ZNF385D: variants seen among roughly 807,000 people sequenced by gnomAD.
ZNF385D encodes the protein zinc finger protein 385D, also known as zinc finger protein 659.
A neutral mutation model predicts 35.8 loss-of-function variants in ZNF385D; 15 were observed. The observed-to-expected ratio is 0.42, with a 90% CI of 0.28 to 0.64. ZNF385D has a LOEUF of 0.64. ZNF385D is among the 30% of genes least tolerant of loss of function. The pLI is 0.23. For synonymous variants in ZNF385D, 212 were observed against 186.8 expected, an observed-to-expected ratio of 1.13 and a Z score of -1.10; for missense variants, 474 against 494.6, an observed-to-expected ratio of 0.96 and a Z score of 0.39.
chr3:21,928,257 A>AGAAGGAAG (rs139093887), intron 3 of ZNF385D, among the ~76,000 whole-genome samples: 8 of 140,498 alleles, frequency 5.7e-5, no homozygotes, highest in Middle Eastern at 6.8e-3. Flanking sequence ...AAAGGAAGGA[A>AGAAGGAAG]GAAGGAAGGA....
intron 3 of ZNF385D, among the ~76,000 whole-genome samples, chr3:21,820,471 G>A (rs144896323): frequency 3.4e-4 from 51 of 151,550 alleles, no homozygotes; most frequent in African/African-American, 1.2e-3. Flanking sequence ...AGATCCGAGA[G>A]GAAAATTTGT....
intron 4 of ZNF385D, among the ~76,000 whole-genome samples, chr3:21,503,862 G>A (rs959924046): frequency 1.3e-5 from 2 of 152,062 alleles, no homozygotes; most frequent in Non-Finnish European, 2.9e-5. Context: ...GCAAATAAAA[G>A]TTCCTTTGCA....
chr3:21,730,097 C>G (rs926181589), intron 1 of ZNF385D, among the ~76,000 whole-genome samples: 2 of 152,120 alleles, frequency 1.3e-5, no homozygotes, highest in African/African-American at 4.8e-5. Context: ...AACAACCTCC[C>G]GAAGAGACAG....
intron 2 of ZNF385D, among the ~76,000 whole-genome samples, chr3:22,223,088 T>G (rs866741233): frequency 6.6e-6 from 1 of 152,146 alleles, no homozygotes; most frequent in Non-Finnish European, 1.5e-5. Context: ...TATTATCATT[T>G]AAAGTTTTTA....
chr3:22,297,535 G>A (rs967712407), intron 2 of ZNF385D, among the ~76,000 whole-genome samples: 1 of 152,094 alleles, frequency 6.6e-6, no homozygotes, highest in Admixed American at 6.6e-5. Flanking sequence ...TGGGGCCGGA[G>A]GAGGACTCTG....
chr3:21,424,768 C>T (rs562902217), intron 6 of ZNF385D, among the ~76,000 whole-genome samples: 1 of 146,698 alleles, frequency 6.8e-6, no homozygotes, highest in South Asian at 2.1e-4. Context: ...AACAAAGATG[C>T]CCAGGGACGA....
intron 4 of ZNF385D, among the ~76,000 whole-genome samples, chr3:21,510,014 T>TGA (rs1707083057): frequency 1.3e-5 from 2 of 152,212 alleles, no homozygotes; most frequent in African/African-American, 4.8e-5. Context: ...GACACTATCA[T>TGA]TGGTGATGAT....
intron 3 of ZNF385D, among the ~76,000 whole-genome samples, chr3:21,789,393 G>A (rs943275426): frequency 2.6e-5 from 4 of 152,196 alleles, no homozygotes; most frequent in African/African-American, 9.6e-5. Context: ...TCAGTACTTG[G>A]GAGTGGGGAG....
At chr3:22,341,699 A>G (rs1695427765) in intron 2 of ZNF385D, among the ~76,000 whole-genome samples, 1 of 152,196 alleles carries the variant, frequency 6.6e-6, no homozygotes, top group African/African-American at 2.4e-5. Context: ...TGGAGGCTAT[A>G]AAATGTAGGG....
chr3:21,551,422 T>C (rs1174312226), intron 3 of ZNF385D, among the ~76,000 whole-genome samples: 2 of 152,240 alleles, frequency 1.3e-5, no homozygotes, highest in African/African-American at 2.4e-5. Flanking sequence ...CTCTAAAGTT[T>C]TATGAAATTC....
rs1458604508 is a variant in ZNF385D, at chr3:21,664,129, C to T, written c.165+757G>A. Among the ~76,000 whole-genome samples, 8 of 149,388 alleles carry T rather than the reference C, an allele frequency of 5.4e-5. 1 individual carries two copies. Among genetic ancestry groups the T allele is most frequent in the African/African-American group, 1.7e-4 (7 of 40,738 alleles). Reference sequence around the variant, plus strand: ...ATAATATTAAAAAAAAAAAAAGTCACTTACTCGTTTCTAACCTTTTCAACC... The same window carrying T: ...ATAATATTAAAAAAAAAAAAAGTCATTTACTCGTTTCTAACCTTTTCAACC... On this transcript the variant is annotated intron_variant, in intron 2 of 7. Coordinates refer to ENST00000281523, the MANE Select transcript of ZNF385D (RefSeq NM_024697.3).
intron 3 of ZNF385D, among the ~76,000 whole-genome samples, chr3:22,127,115 C>A (rs1703478957): frequency 6.6e-6 from 1 of 151,830 alleles, no homozygotes; most frequent in African/African-American, 2.4e-5. Context: ...TTAGGTCTTA[C>A]TTTTTATCCA....
At chr3:21,964,412 TAAAAAAAAAAAA>T (rs60635259) in intron 3 of ZNF385D, among the ~76,000 whole-genome samples, 3 of 71,484 alleles carry the variant, frequency 4.2e-5, no homozygotes, top group Non-Finnish European at 8.3e-5. Flanking sequence ...GTCCTTTTTG[TAAAAAAAAAAAA>T]AAAAAAAAGA....
intron 3 of ZNF385D, among the ~76,000 whole-genome samples, chr3:22,121,737 G>A (rs928363210): frequency 2.0e-5 from 3 of 150,934 alleles, no homozygotes; most frequent in Admixed American, 6.6e-5. Context: ...CCCTGTACCT[G>A]GGCATTTTAA....
intron 3 of ZNF385D, among the ~76,000 whole-genome samples, chr3:22,166,671 T>C (rs1011230573): frequency 6.6e-6 from 1 of 152,254 alleles, no homozygotes; most frequent in African/African-American, 2.4e-5. Flanking sequence ...TGTTTAAAAA[T>C]ACTGAACTTG....
intron 2 of ZNF385D, among the ~76,000 whole-genome samples, chr3:21,592,101 G>C (rs1163774428): frequency 9.9e-5 from 15 of 152,138 alleles, no homozygotes; most frequent in Admixed American, 9.8e-4. Flanking sequence ...TGGCGATTAA[G>C]TGAGATTATA....
intron 2 of ZNF385D, among the ~76,000 whole-genome samples, chr3:21,651,123 C>CAA (rs34764620): frequency 1.4e-5 from 2 of 140,646 alleles, no homozygotes; most frequent in African/African-American, 5.3e-5. Context: ...ACTAAAAATA[C>CAA]AAAAAAAAAA....
chr3:22,143,287 T>G (rs964549079), intron 3 of ZNF385D, among the ~76,000 whole-genome samples: 1 of 152,096 alleles, frequency 6.6e-6, no homozygotes, highest in South Asian at 2.1e-4. Flanking sequence ...GGTTTCACCG[T>G]GTTAGCCAGG....
At chr3:21,575,190 T>G (rs575398135) in intron 2 of ZNF385D, among the ~76,000 whole-genome samples, 1 of 152,312 alleles carries the variant, frequency 6.6e-6, no homozygotes, top group South Asian at 2.1e-4. Flanking sequence ...GTAGCCTTTA[T>G]TCTACTTTCT....
Sources: allele counts gnomAD v4.1 joint callset (sites outside exome capture counted in the v4.1 genomes callset), GRCh38; gene constraint gnomAD v4.1.1; transcripts MANE v1.5; gene names NCBI Gene and HGNC (gene_info 2026-07-23, HGNC 2026-07-21).